The following KCND2 variants were observed in gnomAD, a reference collection of about 807,000 sequenced individuals.
KCND2 encodes the protein A-type voltage-gated potassium channel KCND2.
KCND2 carries 16 observed loss-of-function variants against 54.4 expected under a neutral mutation model. That is an observed-to-expected ratio of 0.29 (90% confidence interval 0.20 to 0.45). The LOEUF (loss-of-function observed/expected upper bound fraction) is 0.45. Ranked by LOEUF, KCND2 falls within the 20% of genes least tolerant of loss-of-function variation. The pLI is 1.00. For missense variants in KCND2, 486 were observed against 824.2 expected, an observed-to-expected ratio of 0.59 and a Z score of 5.02; for synonymous variants, 317 against 310.7, an observed-to-expected ratio of 1.02 and a Z score of -0.21.
chr7:120,390,105 T>C (rs899855635), intron 1 of KCND2, among the ~76,000 whole-genome samples: 1 of 151,978 alleles, frequency 6.6e-6, no homozygotes, highest in Non-Finnish European at 1.5e-5. Flanking sequence ...TATTTTTTAC[T>C]ACCAGGTTCC....
chr7:120,588,138 T>C (rs1792623282), intron 1 of KCND2, among the ~76,000 whole-genome samples: 1 of 152,214 alleles, frequency 6.6e-6, no homozygotes, highest in South Asian at 2.1e-4. Flanking sequence ...TATGTTTCTG[T>C]GGTATTTATG....
rs1478052179 is a variant in KCND2 at position 120,325,022 on chromosome 7, TG to T, written c.1115+49276del. ...CCTTGAAGAGGTCCTTCACATCCCT[TG>T]TAAGTTGGATTCCTAGGTATTTTAT... On this transcript the variant is annotated intron_variant, in intron 1 of 5. Coordinates refer to ENST00000331113, the MANE Select transcript of KCND2 (RefSeq NM_012281.3). Among the ~76,000 whole-genome samples the T allele has an allele frequency of 8.8e-5, 12 of 135,824 alleles. No homozygotes were observed. In the East Asian group the frequency reaches 2.7e-3, roughly 30 times the overall value. The allele number at this position is 135,824 out of a possible 152,430, so 89.1% of individuals were successfully genotyped here. A position where few individuals can be genotyped will look rare whatever the true frequency, so the allele number is the denominator to read the frequency against.
chr7:120,363,552 C>G (rs1015781974), intron 1 of KCND2, among the ~76,000 whole-genome samples: 4 of 152,056 alleles, frequency 2.6e-5, no homozygotes, highest in Non-Finnish European at 5.9e-5. Flanking sequence ...ACCACTTCTC[C>G]TTGCTTCCAC....
chr7:120,274,074 T>C lies in KCND2; in HGVS notation c.-559T>C. The C allele has an allele frequency of 6.3e-6, 1 of 158,994 alleles. No individual in the cohort carries two copies. The highest frequency in any genetic ancestry group is 1.4e-5 in the Non-Finnish European group (1 of 71,902). The allele number at this position is 158,994 out of a possible 1,614,324, so 9.8% of individuals were successfully genotyped here. ...CCAAAGAGAGACGTGGGGCAGCGGC[T>C]GTGACCGCATCTCCTGAGCTACAAC... On this transcript the variant is annotated 5_prime_UTR_variant, in exon 1 of 6. Transcript: ENST00000331113.
At chr7:120,722,138 A>C (rs897920397) in intron 1 of KCND2, among the ~76,000 whole-genome samples, 2 of 152,160 alleles carry the variant, frequency 1.3e-5, no homozygotes, top group African/African-American at 2.4e-5. Context: ...GCAGCATAAA[A>C]ACAGACTAAT....
At chr7:120,326,819 A>C (rs1799985425) in intron 1 of KCND2, among the ~76,000 whole-genome samples, 1 of 152,090 alleles carries the variant, frequency 6.6e-6, no homozygotes, top group African/African-American at 2.4e-5. Context: ...CTTTACTGCT[A>C]ACAGTGTCTA....
chr7:120,694,962 G>A (rs148921284), intron 1 of KCND2, among the ~76,000 whole-genome samples: 119 of 152,076 alleles, frequency 7.8e-4, no homozygotes, highest in Non-Finnish European at 1.3e-3. Flanking sequence ...TAGCACTTTT[G>A]GTCTTCTCCT....
At chr7:120,444,490 T>G (rs1385588557) in intron 1 of KCND2, among the ~76,000 whole-genome samples, 1 of 152,138 alleles carries the variant, frequency 6.6e-6, no homozygotes, top group Non-Finnish European at 1.5e-5. Flanking sequence ...CATCTATATC[T>G]GATCTATCTT....
chr7:120,621,181 G>A (rs1793092784), intron 1 of KCND2, among the ~76,000 whole-genome samples: 1 of 147,484 alleles, frequency 6.8e-6, no homozygotes, highest in African/African-American at 2.5e-5. Flanking sequence ...GCTGAGGCAG[G>A]AGAATCACTT....
intron 1 of KCND2, among the ~76,000 whole-genome samples, chr7:120,331,908 T>TCTC (rs1219413373): frequency 1.3e-5 from 2 of 152,114 alleles, no homozygotes; most frequent in East Asian, 3.9e-4. Flanking sequence ...GGCTCCCCAC[T>TCTC]CTCCTTTTCT....
chr7:120,310,685 C>A (rs2116313419), intron 1 of KCND2, among the ~76,000 whole-genome samples: 1 of 152,124 alleles, frequency 6.6e-6, no homozygotes, highest in South Asian at 2.1e-4. Context: ...GTGGCTCATC[C>A]CAGCACTTTG....
At chr7:120,365,717 A>G (rs556229562) in intron 1 of KCND2, among the ~76,000 whole-genome samples, 3 of 152,268 alleles carry the variant, frequency 2.0e-5, no homozygotes, top group African/African-American at 7.2e-5. Context: ...ATAGGAAAGA[A>G]GGAAACTGAA....
intron 1 of KCND2, among the ~76,000 whole-genome samples, chr7:120,589,638 C>A (rs1054382089): frequency 2.0e-5 from 3 of 152,078 alleles, no homozygotes; most frequent in Non-Finnish European, 2.9e-5. Context: ...CCAAATTTGT[C>A]TTTTATGAGT....
At chr7:120,492,097 A>G (rs775464056) in intron 1 of KCND2, among the ~76,000 whole-genome samples, 106 of 152,216 alleles carry the variant, frequency 7.0e-4, no homozygotes, top group African/African-American at 2.4e-3. Context: ...ATGGCCATCA[A>G]TCAAAAGAAA....
chr7:120,700,719 A>T (rs936691323), intron 1 of KCND2, among the ~76,000 whole-genome samples: 1 of 152,186 alleles, frequency 6.6e-6, no homozygotes, highest in Non-Finnish European at 1.5e-5. Flanking sequence ...TAGGTGTAGT[A>T]CAAGCTGTTT....
chr7:120,350,412 G>A (rs1373290382), intron 1 of KCND2, among the ~76,000 whole-genome samples: 1 of 151,980 alleles, frequency 6.6e-6, no homozygotes, highest in Non-Finnish European at 1.5e-5. Context: ...AGCAATCCAG[G>A]AATTATATAT....
intron 1 of KCND2, among the ~76,000 whole-genome samples, chr7:120,324,122 C>A (rs566288815): frequency 6.6e-6 from 1 of 151,524 alleles, no homozygotes; most frequent in East Asian, 1.9e-4. Flanking sequence ...TGTTCATGTC[C>A]TTCACCCACT....
chr7:120,455,294 A>G (rs1234408966), intron 1 of KCND2, among the ~76,000 whole-genome samples: 1 of 152,208 alleles, frequency 6.6e-6, no homozygotes, highest in Non-Finnish European at 1.5e-5. Flanking sequence ...CTATACTACA[A>G]GGCTACAGTA....
chr7:120,707,592 A>G (rs1193049148), intron 1 of KCND2, among the ~76,000 whole-genome samples: 1 of 152,172 alleles, frequency 6.6e-6, no homozygotes, highest in African/African-American at 2.4e-5. Context: ...ACAAGTATGT[A>G]TATGCACGGT....
Sources: allele counts gnomAD v4.1 joint callset (sites outside exome capture counted in the v4.1 genomes callset), GRCh38; gene constraint gnomAD v4.1.1; transcripts MANE v1.5; gene names NCBI Gene and HGNC (gene_info 2026-07-23, HGNC 2026-07-21).